The following CCDC110 variants were observed in gnomAD, a reference collection of about 807,000 sequenced individuals.
CCDC110 encodes coiled-coil domain-containing protein 110.
Under a neutral mutation model 77.1 loss-of-function variants are expected in CCDC110, and 70 were observed. That is an observed-to-expected ratio of 0.91 (90% CI 0.75 to 1.11). The LOEUF is 1.11. Ranked by LOEUF, CCDC110 falls within the 50% of genes least tolerant of loss-of-function variation. The pLI, the probability that CCDC110 is intolerant of heterozygous loss-of-function variation, is 0.00. For synonymous variants in CCDC110, 295 were observed against 312.5 expected, an observed-to-expected ratio of 0.94 and a Z score of 0.59; for missense variants, 868 against 942.9, an observed-to-expected ratio of 0.92 and a Z score of 1.04.
intron 6 of CCDC110, chr4:185,457,441 CTG>C (rs2095637559): frequency 2.8e-6 from 1 of 354,964 alleles, no homozygotes; most frequent in African/African-American, 2.1e-5. Context: ...CCTGTAGAAA[CTG>C]GGGCTTGGAC....
At position 185,459,055 on chromosome 4, in the gene CCDC110, AT is replaced by A. The variant is rs755233311; in HGVS notation, c.1531del (p.Ile511Ter). On this transcript the variant is annotated frameshift_variant, in exon 6 of 7. Coordinates refer to ENST00000307588, the MANE Select transcript of CCDC110 (RefSeq NM_152775.4). LOFTEE classifies it high-confidence loss of function. Reference protein sequence around the residue: ...SKECLKEFKKIISKYNVLQGQ... With the variant: ...SKECLKEFKKXISKYNVLQGQ... ...TTGCAGAACATTATATTTACTAATT[AT>A]TTTTTTAAATTCTTTAAGACACTCT... The A allele has an allele frequency of 6.4e-7, 1 of 1,562,780 alleles. No individual in the cohort carries two copies.
intron 6 of CCDC110, chr4:185,457,469 G>A: frequency 2.7e-6 from 1 of 369,246 alleles, no homozygotes; most frequent in African/African-American, 2.1e-5. Flanking sequence ...ATGCAAACAT[G>A]CTGATTCCCT....
At chr4:185,465,678 C>T (rs886101083) in intron 2 of CCDC110, among the ~76,000 whole-genome samples, 3 of 152,156 alleles carry the variant, frequency 2.0e-5, no homozygotes, top group African/African-American at 7.2e-5. Flanking sequence ...CACTCTGCTA[C>T]ATGATAATAG....
In CCDC110 at chr4:185,445,559, T is replaced by C; in HGVS notation, c.2462-17A>G. 6.8e-7 allele frequency: 1 copy of C among 1,464,406 alleles called. No individual in the cohort carries two copies. The highest frequency in any genetic ancestry group is 9.5e-7 in the Non-Finnish European group (1 of 1,055,960). 90.7% of individuals were successfully genotyped at this position (1,464,406 alleles called of 1,614,324 possible). The stretch of plus-strand genomic sequence containing the variant: ...TGAAATAACCTATGAAAATAGAAAA[T>C]ATTCTGGTTAATTAAAAATGCCAAC... On this transcript the variant is annotated splice_polypyrimidine_tract_variant and intron_variant, in intron 6 of 6. Coordinates refer to ENST00000307588, the MANE Select transcript of CCDC110 (RefSeq NM_152775.4).
At chr4:185,451,077 G>A (rs1018445796) in intron 6 of CCDC110, among the ~76,000 whole-genome samples, 3 of 152,036 alleles carry the variant, frequency 2.0e-5, no homozygotes, top group East Asian at 1.9e-4. Context: ...TAAGTCTCCC[G>A]AGATCTGATG....
At chr4:185,470,762 T>G in intron 2 of CCDC110, 183 bp downstream of exon 2, 3 of 680,048 alleles carry the variant, frequency 4.4e-6, no homozygotes, top group Admixed American at 2.0e-5. Flanking sequence ...AAAAGTGTTG[T>G]GAGAATTAAA....
chr4:185,452,084 G>A (rs1343775382), intron 6 of CCDC110: 1 of 467,408 alleles, frequency 2.1e-6, no homozygotes, highest in Non-Finnish European at 2.8e-6. Flanking sequence ...TCTGACAGGT[G>A]CAAACTAGTT....
chr4:185,463,622 TAA>T (rs1400624275), intron 2 of CCDC110, among the ~76,000 whole-genome samples: 1 of 152,222 alleles, frequency 6.6e-6, no homozygotes, highest in Non-Finnish European at 1.5e-5. Context: ...GGACTCTTTT[TAA>T]AGTCCTCGTT....
rs1195713014 is a variant in CCDC110 at position 185,445,498 on chromosome 4, A to G, written c.*4T>C. ...AGGGAGTTTCTTAGCAATCTTGAGG[A>G]ATCCTAATGATGCTTGAGAGTTCTG... On this transcript the variant is annotated 3_prime_UTR_variant, in exon 7 of 7. Coordinates refer to ENST00000307588, the MANE Select transcript of CCDC110 (RefSeq NM_152775.4). 1.3e-6 allele frequency: 2 copies of G among 1,570,972 alleles called. No individual in the cohort carries two copies. Among genetic ancestry groups the G allele is most frequent in the East Asian group, 4.5e-5 (2 of 44,516 alleles).
rs369150752 is a variant in CCDC110, at chr4:185,458,532, T to C, written c.2055A>G (p.Ser685=). The change falls in exon 6 of 7, where the codon TCA becomes TCG. Residue 685 remains serine, a synonymous_variant. Transcript: ENST00000307588. The part of the protein sequence containing the change: ...NFLQEIKNAK[S]EASIYKNSLS... Reference sequence around the variant, plus strand: ...AGCTATTCTTATAAATACTTGCTTCTGATTTTGCATTTTTTATTTCTTGCA... The same window carrying C: ...AGCTATTCTTATAAATACTTGCTTCCGATTTTGCATTTTTTATTTCTTGCA... 9 of 1,608,478 alleles carry C rather than the reference T, an allele frequency of 5.6e-6. No individual in the cohort carries two copies. The highest frequency in any genetic ancestry group is 7.6e-6 in the Non-Finnish European group (9 of 1,179,164).
chr4:185,454,139 C>T (rs1170697689), intron 6 of CCDC110, among the ~76,000 whole-genome samples: 2 of 152,022 alleles, frequency 1.3e-5, no homozygotes, highest in African/African-American at 4.8e-5. Context: ...TTAACAGTTA[C>T]ATTAGTCACT....
rs2095640279 is a variant in CCDC110, at chr4:185,458,736, T to TTTTA, written c.1847_1850dup (p.Lys617AsnfsTer23). 6.2e-7 allele frequency: 1 copy of TTTTA among 1,607,894 alleles called. No homozygotes were observed. The highest frequency in any genetic ancestry group is 1.3e-5 in the African/African-American group (1 of 74,460). On this transcript the variant is annotated frameshift_variant, in exon 6 of 7. Transcript: ENST00000307588. LOFTEE classifies it high-confidence loss of function. The stretch of plus-strand genomic sequence containing the variant: ...CCGTTTTTGCCAATCTTTCTTTCTC[T>TTTTA]TTTAGCTGGATTATCTCTAGCTGGC...
Position 185,460,098 on chromosome 4 carries a change from C to T in CCDC110, c.489G>A (p.Gln163=), listed in dbSNP as rs2095643377. The T allele has an allele frequency of 6.2e-7, 1 of 1,613,590 alleles. No individual in the cohort carries two copies. Among genetic ancestry groups the T allele is most frequent in the Non-Finnish European group, 8.5e-7 (1 of 1,179,938 alleles). ...SLPQSVNVPS[Q]IHSEDTLTLR... ...GAGTTAATGTGTCCTCGGAATGTAT[C>T]TGGGATGGAACATTTACACTTTGAG... The change falls in exon 6 of 7, where the codon CAG becomes CAA. Residue 163 remains glutamine (Q), a synonymous_variant. Transcript: ENST00000307588.
At chr4:185,450,200 T>C (rs191948317) in intron 6 of CCDC110, among the ~76,000 whole-genome samples, 3 of 152,338 alleles carry the variant, frequency 2.0e-5, no homozygotes, top group Admixed American at 1.3e-4. Context: ...TTGTGACTTA[T>C]GTAAAGCATC....
Position 185,471,715 on chromosome 4 carries a change from C to T in CCDC110, c.-32G>A, listed in dbSNP as rs778608177. 3 of 1,528,492 alleles carry T rather than the reference C, an allele frequency of 2.0e-6. No individual in the cohort carries two copies. The highest frequency in any genetic ancestry group is 2.5e-5 in the South Asian group (2 of 80,640). The allele number at this position is 1,528,492 out of a possible 1,614,324, so 94.7% of individuals were successfully genotyped here. ...GGCTCATCTCTCTCGCAACCGCCGC[C>T]GCACGCACCCGCTCCGCCGCCCCGC... is the stretch of plus-strand genomic sequence containing the variant. On this transcript the variant is annotated 5_prime_UTR_variant, in exon 1 of 7. Coordinates refer to ENST00000307588, the MANE Select transcript of CCDC110 (RefSeq NM_152775.4).
chr4:185,459,820 T>G lies in CCDC110; in HGVS notation c.767A>C (p.His256Pro). ...ATTTGTAAGTGCCACTTCCCCATCA[T>G]GTGACTTTTGAAGCTCTTCTTTCAT... ...KQMKEELQKS[H>P]DGEVALTNEL... Residue 256 changes from histidine to proline, a missense_variant, in exon 6 of 7, where the codon CAT becomes CCT. Transcript: ENST00000307588. 3 of 1,613,564 alleles carry G rather than the reference T, an allele frequency of 1.9e-6. No individual in the cohort carries two copies. Among genetic ancestry groups the G allele is most frequent in the Non-Finnish European group, 2.5e-6 (3 of 1,179,868 alleles).
intron 6 of CCDC110, among the ~76,000 whole-genome samples, chr4:185,455,140 A>G (rs1193575332): frequency 4.6e-5 from 7 of 152,178 alleles, no homozygotes; most frequent in African/African-American, 1.7e-4. Flanking sequence ...AAGTAAAAGG[A>G]TGCACCTAAC....
chr4:185,453,874 T>C (rs1011565164), intron 6 of CCDC110, among the ~76,000 whole-genome samples: 27 of 150,550 alleles, frequency 1.8e-4, no homozygotes, highest in African/African-American at 6.1e-4. Context: ...AGTGCAATGG[T>C]GTGATCTCGG....
Position 185,458,709 on chromosome 4 carries a change from T to C in CCDC110, c.1878A>G (p.Glu626=). 3.1e-6 allele frequency: 5 copies of C among 1,604,912 alleles called. No homozygotes were observed. Among genetic ancestry groups the C allele is most frequent in the Non-Finnish European group, 4.2e-6 (5 of 1,178,054 alleles). The change falls in exon 6 of 7, where the codon GAA becomes GAG. Residue 626 remains glutamate (E), a synonymous_variant. Coordinates refer to ENST00000307588, the MANE Select transcript of CCDC110 (RefSeq NM_152775.4). ...CTATTATTTGAAGAAGTGTCTCTTG[T>C]TCCGTTTTTGCCAATCTTTCTTTCT... is the stretch of plus-strand genomic sequence containing the variant. The part of the protein sequence containing the change: ...LKEKERLAKT[E]QETLLQIIET...
Sources: gnomAD v4.1 joint callset for allele counts (sites outside exome capture counted in the v4.1 genomes callset) on GRCh38, gnomAD v4.1.1 for gene constraint, MANE v1.5 for transcripts, NCBI Gene and HGNC (gene_info 2026-07-23, HGNC 2026-07-21) for gene names.